CENPH: variants seen among roughly 807,000 people sequenced by gnomAD.
CENPH encodes the protein CENP-H.
A neutral mutation model predicts 42.9 loss-of-function variants in CENPH; 40 were observed. That is an observed-to-expected ratio of 0.93 (90% CI 0.72 to 1.21). The LOEUF (loss-of-function observed/expected upper bound fraction) is 1.21. Ranked by LOEUF, CENPH falls within the 50% of genes most tolerant of loss-of-function variation. The pLI is 0.00. For missense variants in CENPH, 302 were observed against 292.9 expected, an observed-to-expected ratio of 1.03 and a Z score of -0.23; for synonymous variants, 88 against 96.5, an observed-to-expected ratio of 0.91 and a Z score of 0.52.
intron 4 of CENPH, 27 bp downstream of exon 4, chr5:69,195,818 A>G (rs1293785026): frequency 8.6e-7 from 1 of 1,156,292 alleles, no homozygotes; most frequent in Non-Finnish European, 1.3e-6. Flanking sequence ...AAATATAAGC[A>G]TTGTGAACTG....
chr5:69,189,648 C>T lies in CENPH; in HGVS notation c.14C>T (p.Pro5Leu), dbSNP rs370933581. 21 of 1,602,060 alleles carry T rather than the reference C, an allele frequency of 1.3e-5. No homozygotes were observed. Among genetic ancestry groups the T allele is most frequent in the Non-Finnish European group, 1.5e-5 (18 of 1,176,498 alleles). ...CCTCAACCAGCAATGGAGGAGCAGC[C>T]CCAGATGCAAGACGCCGACGAGCCC... MEEQ[P>L]QMQDADEPAD... The change falls in exon 1 of 9, where the codon CCC becomes CTC. Residue 5 changes from proline to leucine, a missense_variant. Pro to Leu is a moderately conservative substitution (Grantham distance 98, BLOSUM62 -3). Transcript: ENST00000283006.
rs914064128 is a variant in CENPH, at chr5:69,203,025, A to G, written c.487+55A>G. 5.7e-5 allele frequency: 67 copies of G among 1,170,428 alleles called. No individual in the cohort carries two copies. Among genetic ancestry groups the G allele is most frequent in the Admixed American group, 2.1e-4 (10 of 48,376 alleles). 72.5% of individuals were successfully genotyped at this position (1,170,428 alleles called of 1,614,324 possible). A position where few individuals can be genotyped will look rare whatever the true frequency, so the allele number is the denominator to read the frequency against. On this transcript the variant is annotated intron_variant, in intron 7 of 8. Coordinates refer to ENST00000283006, the MANE Select transcript of CENPH (RefSeq NM_022909.4). ...CACATTTTGCTTACTTTATAGATTGATAAGGCCAGATCTCTTAGCCACTGA... is the reference window on the plus strand; with the variant it reads ...CACATTTTGCTTACTTTATAGATTGGTAAGGCCAGATCTCTTAGCCACTGA...
chr5:69,190,095 G>A (rs1480260928), intron 1 of CENPH, among the ~76,000 whole-genome samples: 5 of 152,150 alleles, frequency 3.3e-5, no homozygotes, highest in Admixed American at 2.0e-4. Flanking sequence ...GAATGCCAGA[G>A]CTAAACTGGA....
chr5:69,195,690 A>G, intron 3 of CENPH, 27 bp from the exon 4 acceptor site: 1 of 1,321,348 alleles, frequency 7.6e-7, no homozygotes, highest in South Asian at 1.2e-5. Context: ...TATTGCTGAA[A>G]TTCTTTTGCT....
At chr5:69,206,565 T>C (rs1000455875) in intron 7 of CENPH, among the ~76,000 whole-genome samples, 13 of 152,128 alleles carry the variant, frequency 8.5e-5, no homozygotes, top group Non-Finnish European at 1.8e-4. Flanking sequence ...CTCGGCTCAC[T>C]ACAACCCCTG....
intron 2 of CENPH, among the ~76,000 whole-genome samples, chr5:69,192,727 C>T (rs1306109493): frequency 6.6e-6 from 1 of 152,148 alleles, no homozygotes; most frequent in Non-Finnish European, 1.5e-5. Context: ...GTACTGTACT[C>T]CACTCCACTG....
In CENPH at chr5:69,189,629, C is replaced by A. The variant is rs1411784373; in HGVS notation, c.-6C>A. 1 of 1,597,924 alleles carries A rather than the reference C, an allele frequency of 6.3e-7. No individual in the cohort carries two copies. Among genetic ancestry groups the A allele is most frequent in the Non-Finnish European group, 8.5e-7 (1 of 1,175,120 alleles). ...GTTGAGTGGTAGCCTTTCCCCTCAACCAGCAATGGAGGAGCAGCCCCAGAT... is the reference window on the plus strand; with the variant it reads ...GTTGAGTGGTAGCCTTTCCCCTCAAACAGCAATGGAGGAGCAGCCCCAGAT... On this transcript the variant is annotated 5_prime_UTR_variant, in exon 1 of 9. Coordinates refer to ENST00000283006, the MANE Select transcript of CENPH (RefSeq NM_022909.4).
intron 2 of CENPH, among the ~76,000 whole-genome samples, chr5:69,193,171 A>G (rs372477421): frequency 6.7e-6 from 1 of 149,842 alleles, no homozygotes; most frequent in Admixed American, 6.8e-5. Context: ...ATGTATATAT[A>G]TGTGTGTGTA....
intron 5 of CENPH, among the ~76,000 whole-genome samples, chr5:69,198,834 T>C (rs931032324): frequency 4.6e-5 from 7 of 151,934 alleles, no homozygotes; most frequent in African/African-American, 1.7e-4. Flanking sequence ...CTCCAGAGGC[T>C]GAGGGGAGAG....
intron 7 of CENPH, among the ~76,000 whole-genome samples, chr5:69,205,702 C>CTTTTTTT (rs1158243799): frequency 4.4e-4 from 34 of 77,092 alleles, no homozygotes; most frequent in East Asian, 9.4e-4. Context: ...CTGTAGATAT[C>CTTTTTTT]TTTTTTTTTT....
At chr5:69,203,997 G>A (rs1396844093) in intron 7 of CENPH, among the ~76,000 whole-genome samples, 1 of 109,526 alleles carries the variant, frequency 9.1e-6, no homozygotes, top group Admixed American at 1.1e-4. Flanking sequence ...TATATATAGA[G>A]AGAGAATTTC....
intron 8 of CENPH, among the ~76,000 whole-genome samples, chr5:69,209,126 T>G (rs1363018299): frequency 6.6e-6 from 1 of 152,008 alleles, no homozygotes; most frequent in African/African-American, 2.4e-5. Context: ...GTAAAACCTA[T>G]CCATGGAAAC....
At chr5:69,195,334 G>T (rs2112083937) in intron 3 of CENPH, among the ~76,000 whole-genome samples, 1 of 152,150 alleles carries the variant, frequency 6.6e-6, no homozygotes, top group South Asian at 2.1e-4. Context: ...TAAAGTTCTG[G>T]GATTGTAGGC....
intron 7 of CENPH, among the ~76,000 whole-genome samples, chr5:69,203,623 CCT>C (rs1250994274): frequency 3.9e-5 from 6 of 152,016 alleles, no homozygotes; most frequent in African/African-American, 1.4e-4. Flanking sequence ...CCTGCCTCGG[CCT>C]CTCAAAGTGC....
chr5:69,205,332 ATTC>A (rs1363418842), intron 7 of CENPH, among the ~76,000 whole-genome samples: 2 of 151,924 alleles, frequency 1.3e-5, no homozygotes, highest in Non-Finnish European at 2.9e-5. Context: ...GATTCAAGCC[ATTC>A]TTCTGCGTCA....
At chr5:69,194,589 C>G in intron 2 of CENPH, 58 bp from the exon 3 acceptor site, 1 of 987,720 alleles carries the variant, frequency 1.0e-6, no homozygotes, top group South Asian at 1.5e-5. Flanking sequence ...ACATTATATT[C>G]CTTTTGGACA....
chr5:69,202,959 AG>A lies in CENPH; in HGVS notation c.477del (p.Lys160ArgfsTer5), dbSNP rs1561323924. On this transcript the variant is annotated frameshift_variant, in exon 7 of 9. Coordinates refer to ENST00000283006, the MANE Select transcript of CENPH (RefSeq NM_022909.4). LOFTEE classifies it high-confidence loss of function. ...DLEEKLLDIRKKRLQLKQASE... is the reference protein window; with the variant it reads ...DLEEKLLDIRXKRLQLKQASE... ...GAGGAAAAACTGCTTGATATTAGAA[AG>A]AAGAGATTGCGTATGTAGAACACTT... 1 of 1,591,552 alleles carries A rather than the reference AG, an allele frequency of 6.3e-7. No individual in the cohort carries two copies. Among genetic ancestry groups the A allele is most frequent in the Non-Finnish European group, 8.6e-7 (1 of 1,166,182 alleles).
chr5:69,196,735 T>TGCAA (rs1287693411), intron 4 of CENPH, among the ~76,000 whole-genome samples: 1 of 152,210 alleles, frequency 6.6e-6, no homozygotes, highest in African/African-American at 2.4e-5. Context: ...CTGATCTTTG[T>TGCAA]AGTGCCTTAA....
rs70992906 is a variant in CENPH at position 69,200,719 on chromosome 5, C to CTTTTTTTTTTTTTTTTTTT, written c.372-1771_372-1753dup. 2.1e-3 allele frequency among the ~76,000 whole-genome samples: 100 copies of CTTTTTTTTTTTTTTTTTTT among 46,908 alleles called. 25 individuals carry two copies. Among genetic ancestry groups the CTTTTTTTTTTTTTTTTTTT allele is most frequent in the South Asian group, 7.6e-3 (7 of 924 alleles). The allele number at this position is 46,908 out of a possible 152,430, so 30.8% of individuals were successfully genotyped here. ...TCCCAAACTTTCTGAATCAGCGTATCTTTTTTTTTTTTTTTTTTTTTTTTT... is the reference window on the plus strand; with the variant it reads ...TCCCAAACTTTCTGAATCAGCGTATCTTTTTTTTTTTTTTTTTTTTTTTTTTTTTTTTTTTTTTTTTTTT... On this transcript the variant is annotated intron_variant, in intron 5 of 8. Transcript: ENST00000283006.
Sources: allele counts gnomAD v4.1 joint callset (sites outside exome capture counted in the v4.1 genomes callset), GRCh38; gene constraint gnomAD v4.1.1; transcripts MANE v1.5; gene names NCBI Gene and HGNC (gene_info 2026-07-23, HGNC 2026-07-21).